Variants in ERAP1 observed in about 807,000 individuals in gnomAD.
ERAP1 encodes the protein endoplasmic reticulum aminopeptidase 1, also known as adipocyte-derived leucine aminopeptidase.
Under a neutral mutation model 103.7 loss-of-function variants are expected in ERAP1, and 86 were observed. That is an observed-to-expected ratio of 0.83 (90% CI 0.70 to 0.99). The LOEUF (loss-of-function observed/expected upper bound fraction) is 0.99. Among genes scored for constraint, ERAP1 ranks in the 50% least tolerant of loss-of-function variants. The pLI is 0.00. For missense variants in ERAP1, 1,009 were observed against 1,128.4 expected (o/e 0.89, Z 1.52); for synonymous variants, 398 against 402.4 (o/e 0.99, Z 0.13).
the ERAP1 span, chr5:96,880,026 A>T: frequency 6.2e-7 from 1 of 1,614,192 alleles, no homozygotes; most frequent in Non-Finnish European, 8.5e-7. Flanking sequence ...CACAGCAAAG[A>T]TCTTGAAATC....
intron 19 of ERAP1, among the ~76,000 whole-genome samples, chr5:96,766,773 A>G: frequency 6.6e-6 from 1 of 152,348 alleles, no homozygotes; most frequent in African/African-American, 2.4e-5. Flanking sequence ...GATGATAAAT[A>G]ACCCTTTCCA....
the ERAP1 span, among the ~76,000 whole-genome samples, chr5:96,840,832 A>T: frequency 6.6e-6 from 1 of 151,680 alleles, no homozygotes; most frequent in Middle Eastern, 3.2e-3. Context: ...CAGCCTCCCA[A>T]CTGGCTGGGA....
the ERAP1 span, among the ~76,000 whole-genome samples, chr5:96,816,861 C>T: frequency 6.6e-6 from 1 of 152,176 alleles, no homozygotes; most frequent in East Asian, 1.9e-4. Context: ...CCTACTCACC[C>T]TCCATGTCTG....
chr5:96,910,676 A>G, the ERAP1 span, among the ~76,000 whole-genome samples: 1 of 152,246 alleles, frequency 6.6e-6, no homozygotes, highest in South Asian at 2.1e-4. Flanking sequence ...GAATATACCT[A>G]TGAAAATATT....
At chr5:96,901,250 T>C in the ERAP1 span, among the ~76,000 whole-genome samples, 3 of 152,174 alleles carry the variant, frequency 2.0e-5, 1 homozygote, top group Non-Finnish European at 4.4e-5. Context: ...TCAACCTCCT[T>C]TTCACTGGCT....
In ERAP1 at chr5:96,775,187, G is replaced by A; in HGVS notation, c.*1209C>T. ...TTGGTTTACCATGTTAGTAAACTGT[G>A]CTTTCTATTATTATCATCTATACAT... On this transcript the variant is annotated 3_prime_UTR_variant, in exon 19 of 19. Transcript: ENST00000443439. The A allele has an allele frequency of 2.0e-6, 2 of 985,508 alleles. No homozygotes were observed. Among genetic ancestry groups the A allele is most frequent in the Non-Finnish European group, 2.4e-6 (2 of 829,896 alleles). 61.0% of individuals were successfully genotyped at this position (985,508 alleles called of 1,614,324 possible). A position where few individuals can be genotyped will look rare whatever the true frequency, so the allele number is the denominator to read the frequency against.
the ERAP1 span, among the ~76,000 whole-genome samples, chr5:96,861,018 C>T: frequency 0.01 from 1,554 of 151,716 alleles, 12 homozygotes; most frequent in Non-Finnish European, 0.014. Flanking sequence ...AGAGAGCAGT[C>T]ATTACAAGGT....
At chr5:96,877,475 A>T in the ERAP1 span, among the ~76,000 whole-genome samples, 2 of 152,180 alleles carry the variant, frequency 1.3e-5, no homozygotes, top group East Asian at 3.8e-4. Context: ...CTCAATAATA[A>T]TTTCATATCC....
chr5:96,868,551 T>C, the ERAP1 span, among the ~76,000 whole-genome samples: 97,644 of 152,082 alleles, frequency 0.64, 31,788 homozygotes, highest in African/African-American at 0.74. Context: ...CCAAGTCCAC[T>C]CAGCCATTCA....
At chr5:96,870,308 C>G in the ERAP1 span, among the ~76,000 whole-genome samples, 1 of 152,200 alleles carries the variant, frequency 6.6e-6, no homozygotes, top group Non-Finnish European at 1.5e-5. Flanking sequence ...AAGACAAACA[C>G]AAGCCAACTC....
the ERAP1 span, among the ~76,000 whole-genome samples, chr5:96,837,011 A>G: frequency 1.3e-5 from 2 of 152,198 alleles, no homozygotes; most frequent in Non-Finnish European, 2.9e-5. Context: ...TTATGATGTC[A>G]TAAGGACTTT....
chr5:96,781,102 C>T lies in ERAP1; in HGVS notation c.2544G>A (p.Leu848=). The T allele has an allele frequency of 6.2e-7, 1 of 1,613,754 alleles. No homozygotes were observed. The highest frequency in any genetic ancestry group is 8.5e-7 in the Non-Finnish European group (1 of 1,179,964). The change falls in exon 17 of 19, where the codon CTG becomes CTA. Residue 848 remains leucine, a synonymous_variant. Coordinates refer to ENST00000443439, the MANE Select transcript of ERAP1 (RefSeq NM_001040458.3). ...AGTTTTTCCTCAGAAATTGCCAGGCCAGTGGGTATCCTACTGGGTTCCTGC... is the reference window on the plus strand; with the variant it reads ...AGTTTTTCCTCAGAAATTGCCAGGCTAGTGGGTATCCTACTGGGTTCCTGC... ...LIGRNPVGYP[L]AWQFLRKNWN...
upstream of ERAP1, among the ~76,000 whole-genome samples, chr5:96,810,454 T>C (rs550325301): frequency 6.6e-6 from 1 of 152,232 alleles, no homozygotes; most frequent in Non-Finnish European, 1.5e-5. Context: ...AACCCTGTAA[T>C]GTAGATATTA....
the ERAP1 span, among the ~76,000 whole-genome samples, chr5:96,867,378 A>C: frequency 6.6e-6 from 1 of 152,202 alleles, no homozygotes; most frequent in Non-Finnish European, 1.5e-5. Flanking sequence ...AGTGGCTTAA[A>C]GCAACAATAA....
chr5:96,879,807 C>T, the ERAP1 span: 1 of 1,614,034 alleles, frequency 6.2e-7, no homozygotes, highest in Non-Finnish European at 8.5e-7. Context: ...TTCTCAGTGC[C>T]ATCTAGTTAT....
At chr5:96,784,779 TTCTCCATTTCAA>T in intron 13 of ERAP1, 1 of 153,102 alleles carries the variant, frequency 6.5e-6, no homozygotes, top group Admixed American at 6.5e-5. Context: ...ACACATTTTC[TTCTCCATTTCAA>T]AGACACTGCA....
chr5:96,842,984 T>C, the ERAP1 span, among the ~76,000 whole-genome samples: 11 of 152,334 alleles, frequency 7.2e-5, no homozygotes, highest in South Asian at 2.3e-3. Flanking sequence ...GGATCCAGTT[T>C]CATTCTTCTA....
chr5:96,861,036 T>C, the ERAP1 span, among the ~76,000 whole-genome samples: 64 of 152,264 alleles, frequency 4.2e-4, no homozygotes, highest in Non-Finnish European at 1.6e-4. Context: ...GGTCAAAACC[T>C]GCCTTTGTGA....
intron 11 of ERAP1, 175 bp from the exon 12 acceptor site, chr5:96,786,724 G>A: frequency 1.7e-6 from 1 of 588,230 alleles, no homozygotes; most frequent in Non-Finnish European, 3.0e-6. Flanking sequence ...GGGAGTGTCA[G>A]CTCGGGCACT....
Sources: allele counts gnomAD v4.1 joint callset (sites outside exome capture counted in the v4.1 genomes callset), GRCh38; gene constraint gnomAD v4.1.1; transcripts MANE v1.5; gene names NCBI Gene and HGNC (gene_info 2026-07-23, HGNC 2026-07-21).